The following CUBN variants were observed in gnomAD, a reference collection of about 807,000 sequenced individuals.
The protein encoded by CUBN is 460 kDa receptor.
CUBN carries 282 observed loss-of-function variants against 405.3 expected under a neutral mutation model. The ratio of observed to expected loss-of-function variants is 0.70; its 90% confidence interval spans 0.63 to 0.77. The LOEUF (loss-of-function observed/expected upper bound fraction) is 0.77, where lower values mean the gene tolerates loss of function less well. Among genes scored for constraint, CUBN ranks in the 30% least tolerant of loss-of-function variants. The pLI, the probability that CUBN is intolerant of heterozygous loss-of-function variation, is 0.00. For synonymous variants in CUBN, 1,684 were observed against 1,617.0 expected, an observed-to-expected ratio of 1.04 and a Z score of -0.99; for missense variants, 4,514 against 4,475.2, an observed-to-expected ratio of 1.01 and a Z score of -0.25.
chr10:16,902,089 G>GTA (rs553158206), intron 51 of CUBN, among the ~76,000 whole-genome samples: 24 of 115,640 alleles, frequency 2.1e-4, no homozygotes, highest in East Asian at 4.8e-4. Flanking sequence ...ACCATATATA[G>GTA]TATATATATA....
chr10:17,129,295 A>T, intron 1 of CUBN, 45 bp from the exon 2 acceptor site: 1 of 1,601,960 alleles, frequency 6.2e-7, no homozygotes, highest in Non-Finnish European at 8.6e-7. Context: ...TAGCAAGTAC[A>T]ATTTTTAAAC....
rs143027674 is a variant in CUBN, at chr10:16,840,447, G to A, written c.9915C>T (p.Ile3305=). The A allele has an allele frequency of 3.3e-5, 54 of 1,613,960 alleles. No individual in the cohort carries two copies. Among genetic ancestry groups the A allele is most frequent in the Non-Finnish European group, 4.1e-5 (48 of 1,179,964 alleles). The change falls in exon 62 of 67, where the codon ATC becomes ATT. Residue 3305 remains isoleucine (I), a synonymous_variant. Coordinates refer to ENST00000377833, the MANE Select transcript of CUBN (RefSeq NM_001081.4). ...NSSDPDVPFS[I]CTWVIDSPPH... ...GAGGGGAATCAATGACCCAAGTACA[G>A]ATGGAAAATGGGACATCTGGGTCTG... is the stretch of plus-strand genomic sequence containing the variant.
At chr10:16,891,610 A>G (rs1156383800) in intron 54 of CUBN, among the ~76,000 whole-genome samples, 1 of 152,214 alleles carries the variant, frequency 6.6e-6, no homozygotes, top group African/African-American at 2.4e-5. Flanking sequence ...GAAAACAGTC[A>G]GGTAGGTTTT....
chr10:16,901,899 A>ATATATATATACACCATATATAG (rs1554790378), intron 51 of CUBN, among the ~76,000 whole-genome samples: 1 of 40,226 alleles, frequency 2.5e-5, no homozygotes, highest in Non-Finnish European at 6.1e-5. Flanking sequence ...GTATATATAT[A>ATATATATATACACCATATATAG]TATATATATA....
chr10:16,976,049 C>T (rs1035659443), intron 31 of CUBN, among the ~76,000 whole-genome samples: 6 of 150,378 alleles, frequency 4.0e-5, no homozygotes, highest in African/African-American at 1.5e-4. Context: ...GTGCTCACTG[C>T]AACTCCTGCC....
chr10:16,972,843 G>A (rs1408992432), intron 31 of CUBN, among the ~76,000 whole-genome samples: 1 of 151,622 alleles, frequency 6.6e-6, no homozygotes, highest in African/African-American at 2.4e-5. Flanking sequence ...TTCTCCACGT[G>A]TCCCTGCGCT....
chr10:16,926,284 A>G (rs45445198), intron 41 of CUBN, among the ~76,000 whole-genome samples: 1,530 of 152,300 alleles, frequency 0.01, 10 homozygotes, highest in Non-Finnish European at 0.017. Context: ...GAGGTACATC[A>G]TGGAAGTCAG....
At chr10:16,992,818 G>C (rs988305961) in intron 28 of CUBN, among the ~76,000 whole-genome samples, 18 of 152,242 alleles carry the variant, frequency 1.2e-4, no homozygotes, top group Admixed American at 1.1e-3. Flanking sequence ...CTACGAAAAA[G>C]CTGTTTAAAA....
At position 17,084,432 on chromosome 10, in the gene CUBN, C is replaced by A; in HGVS notation, c.2140G>T (p.Asp714Tyr). The stretch of plus-strand genomic sequence containing the variant: ...GGCAAGAAGAGTTCACCCTCTGGGT[C>A]CGTGTAGTTCCCACCACAACGCAGA... ...SDLRCGGNYT[D>Y]PEGELFLPEL... The change falls in exon 17 of 67, where the codon GAC (aspartate) becomes TAC (tyrosine). Residue 714 changes from aspartate (D) to tyrosine (Y), a missense_variant. Physicochemically the swap from Asp to Tyr is radical, Grantham distance 160. Transcript: ENST00000377833. 6.2e-7 allele frequency: 1 copy of A among 1,613,730 alleles called. No homozygotes were observed. Among genetic ancestry groups the A allele is most frequent in the Non-Finnish European group, 8.5e-7 (1 of 1,179,930 alleles).
intron 28 of CUBN, among the ~76,000 whole-genome samples, chr10:17,005,951 GAC>G (rs1834010868): frequency 3.9e-5 from 6 of 152,110 alleles, no homozygotes; most frequent in Admixed American, 3.9e-4. Context: ...AGCAAATTTG[GAC>G]ACACAGAGCT....
chr10:16,963,969 C>T (rs1384805323), intron 31 of CUBN, among the ~76,000 whole-genome samples: 1 of 152,140 alleles, frequency 6.6e-6, no homozygotes, highest in African/African-American at 2.4e-5. Flanking sequence ...GGGAACAGGG[C>T]ATGGGATCAA....
intron 41 of CUBN, among the ~76,000 whole-genome samples, chr10:16,926,841 A>ATCT (rs765367628): frequency 6.6e-6 from 1 of 150,882 alleles, no homozygotes; most frequent in African/African-American, 2.4e-5. Flanking sequence ...CTATCTATCT[A>ATCT]TCTAGTCTAA....
At position 16,950,011 on chromosome 10, in the gene CUBN, C is replaced by T. The variant is rs774012822; in HGVS notation, c.5070G>A (p.Ala1690=). ...VEILDGGHED[A]PLRGRYCGTD... ...TGAACGCTGAGGTACCTCGGAGGGG[C>T]GCGTCTTCGTGGCCGCCATCCAAAA... is the stretch of plus-strand genomic sequence containing the variant. The change falls in exon 34 of 67, where the codon GCG becomes GCA. Residue 1690 remains alanine, a synonymous_variant. Transcript: ENST00000377833. 1.7e-5 allele frequency: 28 copies of T among 1,612,766 alleles called. No homozygotes were observed. Among genetic ancestry groups the T allele is most frequent in the Middle Eastern group, 1.7e-4 (1 of 6,002 alleles).
At chr10:17,121,569 A>G (rs1355266209) in intron 6 of CUBN, among the ~76,000 whole-genome samples, 1 of 150,188 alleles carries the variant, frequency 6.7e-6, no homozygotes, top group Non-Finnish European at 1.5e-5. Context: ...GGGTGGAGGG[A>G]TAGCATTAGG....
intron 24 of CUBN, 30 bp from the exon 25 acceptor site, chr10:17,045,218 AC>A: frequency 6.2e-7 from 1 of 1,605,978 alleles, no homozygotes; most frequent in Non-Finnish European, 8.5e-7. Flanking sequence ...AATGACACAC[AC>A]CCCTTTCCTT....
rs577785224 is a variant in CUBN at position 17,046,582 on chromosome 10, CTAGTTTA to C, written c.3330-495_3330-489del. ...CCTAAAAACTTCTGGGGCCTTAATT[CTAGTTTA>C]TAATCTGTAGCTTTTTGAAACAAAC... On this transcript the variant is annotated intron_variant, in intron 23 of 66. Transcript: ENST00000377833. 5.3e-3 allele frequency among the ~76,000 whole-genome samples: 808 copies of C among 152,154 alleles called. 6 individuals carry two copies. Among genetic ancestry groups the C allele is most frequent in the Non-Finnish European group, 8.8e-3 (597 of 67,990 alleles).
In CUBN at chr10:16,907,524, G is replaced by A; in HGVS notation, c.7689C>T (p.Thr2563=). 2 of 1,614,108 alleles carry A rather than the reference G, an allele frequency of 1.2e-6. No homozygotes were observed. The highest frequency in any genetic ancestry group is 1.7e-6 in the Non-Finnish European group (2 of 1,180,010). The change falls in exon 49 of 67, where the codon ACC becomes ACT. Residue 2563 remains threonine, a synonymous_variant. Transcript: ENST00000377833. ...RPYGGFTASY[T]SSEDAVCGGS... ...CTACATTACCTGCATCTTCACTGGA[G>A]GTATAGGAAGCAGTGAAGCCGCCAT...
chr10:17,000,064 T>A lies in CUBN; in HGVS notation c.4169-9549A>T, dbSNP rs1355474721. On this transcript the variant is annotated intron_variant, in intron 28 of 66. Transcript: ENST00000377833. The stretch of plus-strand genomic sequence containing the variant: ...TGCAGGCCCCTCGCAGGGCAAATCC[T>A]GCATCCAGCCAGCCTGGGTCCTTAG... Among the ~76,000 whole-genome samples, 4 of 152,352 alleles carry A rather than the reference T, an allele frequency of 2.6e-5. No individual in the cohort carries two copies. In the East Asian group the frequency reaches 5.8e-4, roughly 22 times the overall value.
intron 6 of CUBN, chr10:17,121,967 C>T (rs1310241899): frequency 6.6e-6 from 1 of 152,216 alleles, no homozygotes; most frequent in African/African-American, 2.4e-5. Context: ...AGGAAAGACA[C>T]TGTCTAGTTT....
Sources: allele counts gnomAD v4.1 joint callset (sites outside exome capture counted in the v4.1 genomes callset), GRCh38; gene constraint gnomAD v4.1.1; transcripts MANE v1.5; gene names NCBI Gene and HGNC (gene_info 2026-07-23, HGNC 2026-07-21).